Variants in MRTFB observed in about 807,000 individuals in gnomAD.
MRTFB encodes myocardin related transcription factor B, also known as myocardin-related transcription factor B.
In MRTFB, 29 loss-of-function variants were observed where a neutral mutation model predicts 104.2. The observed-to-expected ratio is 0.28, with a 90% CI of 0.21 to 0.38. The LOEUF (loss-of-function observed/expected upper bound fraction) is 0.38. MRTFB is among the 10% of genes least tolerant of loss of function. The pLI is 1.00. For missense variants in MRTFB, 1,270 were observed against 1,341.6 expected (o/e 0.95, Z 0.83); for synonymous variants, 535 against 519.5 (o/e 1.03, Z -0.41).
At chr16:14,002,291 G>A in the MRTFB span, among the ~76,000 whole-genome samples, 1 of 152,042 alleles carries the variant, frequency 6.6e-6, no homozygotes, top group Non-Finnish European at 1.5e-5. Context: ...GCTGAGGCAG[G>A]AGAATCGCTT....
intron 3 of MRTFB, among the ~76,000 whole-genome samples, chr16:14,194,709 T>C (rs2040348779): frequency 6.6e-6 from 1 of 151,752 alleles, no homozygotes; most frequent in South Asian, 2.1e-4. Flanking sequence ...TTTCTTTTTT[T>C]TTTTTTTTTT....
the MRTFB span, among the ~76,000 whole-genome samples, chr16:14,016,641 C>T: frequency 2.6e-5 from 4 of 151,840 alleles, no homozygotes; most frequent in Non-Finnish European, 4.4e-5. Context: ...GGAGTGGCGG[C>T]GCATGCCTGT....
intron 2 of MRTFB, among the ~76,000 whole-genome samples, chr16:14,137,985 T>C (rs989397708): frequency 1.3e-5 from 2 of 152,090 alleles, no homozygotes; most frequent in African/African-American, 4.8e-5. Context: ...TTTGGATTAA[T>C]TGGGTATTTT....
rs1269889679 is a variant in MRTFB, at chr16:14,246,928, C to G, written c.1668C>G (p.Thr556=). The change falls in exon 12 of 17, where the codon ACC becomes ACG. Residue 556 remains threonine (T), a synonymous_variant. Coordinates refer to ENST00000571589, the MANE Select transcript of MRTFB (RefSeq NM_001308142.2). ...ATAATGAAGACAGTCTGAGTCCCACCAGCAGCACTCTGTCAAACCTGGAAC... is the reference window on the plus strand; with the variant it reads ...ATAATGAAGACAGTCTGAGTCCCACGAGCAGCACTCTGTCAAACCTGGAAC... ...MTNNEDSLSP[T]SSTLSNLELD... 1.9e-6 allele frequency: 3 copies of G among 1,614,036 alleles called. No individual in the cohort carries two copies. Among genetic ancestry groups the G allele is most frequent in the East Asian group, 2.2e-5 (1 of 44,886 alleles).
chr16:14,189,668 C>G (rs754525141), intron 3 of MRTFB, among the ~76,000 whole-genome samples: 2 of 152,068 alleles, frequency 1.3e-5, no homozygotes, highest in Non-Finnish European at 2.9e-5. Flanking sequence ...AAAAAGCAAC[C>G]TTTAGAATTT....
chr16:14,206,854 C>T (rs2040967760), intron 3 of MRTFB, among the ~76,000 whole-genome samples: 1 of 151,970 alleles, frequency 6.6e-6, no homozygotes, highest in East Asian at 1.9e-4. Context: ...TGTACCTGAT[C>T]TCTTGCTAGA....
chr16:14,146,903 A>G (rs1204206657), intron 3 of MRTFB, among the ~76,000 whole-genome samples: 1 of 152,240 alleles, frequency 6.6e-6, no homozygotes, highest in Non-Finnish European at 1.5e-5. Context: ...TCTCTGGAGC[A>G]GATAGCCAGA....
At chr16:14,028,327 G>A in the MRTFB span, among the ~76,000 whole-genome samples, 5 of 152,118 alleles carry the variant, frequency 3.3e-5, no homozygotes, top group Admixed American at 1.3e-4. Flanking sequence ...CTTCCAGCTC[G>A]AGTTACCCCT....
chr16:14,193,098 TC>T (rs1299208381), intron 3 of MRTFB, among the ~76,000 whole-genome samples: 1 of 146,552 alleles, frequency 6.8e-6, no homozygotes, highest in Non-Finnish European at 1.5e-5. Context: ...TGGTTTTCCC[TC>T]CCCCTACACA....
the MRTFB span, among the ~76,000 whole-genome samples, chr16:14,056,443 A>C: frequency 6.6e-6 from 1 of 152,166 alleles, no homozygotes; most frequent in South Asian, 2.1e-4. Context: ...TTGTTGCTCA[A>C]ATTTTTCCAT....
At chr16:14,017,713 T>TATATATATATATATA in the MRTFB span, among the ~76,000 whole-genome samples, 177 of 9,430 alleles carry the variant, frequency 0.019, 6 homozygotes, top group Non-Finnish European at 0.041. Flanking sequence ...ATATATATAT[T>TATATATATATATATA]TTTTTTTTTT....
chr16:14,143,720 T>A (rs1250570634), intron 3 of MRTFB: 7 of 152,092 alleles, frequency 4.6e-5, no homozygotes, highest in Admixed American at 3.9e-4. Context: ...TTTTTTTTTT[T>A]AAATTGTCTT....
chr16:14,089,173 A>G (rs1178494437), intron 2 of MRTFB, among the ~76,000 whole-genome samples: 1 of 152,232 alleles, frequency 6.6e-6, no homozygotes, highest in Non-Finnish European at 1.5e-5. Context: ...TTCATATACC[A>G]TAAAGTTTAC....
rs1318310981 is a variant in MRTFB, at chr16:14,265,443, C to T, written c.*3999C>T. On this transcript the variant is annotated 3_prime_UTR_variant, in exon 17 of 17. Coordinates refer to ENST00000571589, the MANE Select transcript of MRTFB (RefSeq NM_001308142.2). ...GCATCAGTGTGTATCTGGAGAGCAT[C>T]CTAACTGCATTTCAACTCATCTTTT... 4 of 152,154 alleles carry T rather than the reference C, an allele frequency of 2.6e-5. No homozygotes were observed. The highest frequency in any genetic ancestry group is 1.3e-4 in the Admixed American group (2 of 15,260). The allele number at this position is 152,154 out of a possible 1,614,324, so 9.4% of individuals were successfully genotyped here.
chr16:14,194,889 A>G (rs1029249837), intron 3 of MRTFB, among the ~76,000 whole-genome samples: 2 of 152,024 alleles, frequency 1.3e-5, no homozygotes, highest in African/African-American at 4.8e-5. Flanking sequence ...AGCTCCCAGG[A>G]TGGAGTCTGA....
At chr16:14,189,224 A>C (rs1237783413) in intron 3 of MRTFB, among the ~76,000 whole-genome samples, 3 of 152,222 alleles carry the variant, frequency 2.0e-5, no homozygotes, top group East Asian at 3.8e-4. Flanking sequence ...TAAAATTTGG[A>C]GTCATATAAA....
At chr16:14,188,426 A>T (rs1331806823) in intron 3 of MRTFB, among the ~76,000 whole-genome samples, 4 of 152,212 alleles carry the variant, frequency 2.6e-5, no homozygotes, top group African/African-American at 9.6e-5. Context: ...AATAGGAGAA[A>T]TAAAAAGATG....
At chr16:14,021,255 C>T in the MRTFB span, among the ~76,000 whole-genome samples, 1 of 152,118 alleles carries the variant, frequency 6.6e-6, no homozygotes, top group African/African-American at 2.4e-5. Context: ...AAGTTGTTGG[C>T]TGAATTCAGT....
intron 2 of MRTFB, among the ~76,000 whole-genome samples, chr16:14,133,039 G>C (rs1204249185): frequency 6.6e-6 from 1 of 152,176 alleles, no homozygotes; most frequent in South Asian, 2.1e-4. Flanking sequence ...CAATATATCA[G>C]GTATGGGTGA....
Sources: allele counts gnomAD v4.1 joint callset (sites outside exome capture counted in the v4.1 genomes callset), GRCh38; gene constraint gnomAD v4.1.1; transcripts MANE v1.5; gene names NCBI Gene and HGNC (gene_info 2026-07-23, HGNC 2026-07-21).